ABCB9: variants seen among roughly 807,000 people sequenced by gnomAD.
ABCB9 encodes the protein ABC-type oligopeptide transporter ABCB9.
A neutral mutation model predicts 62.0 loss-of-function variants in ABCB9; 36 were observed. The observed-to-expected ratio is 0.58, with a 90% confidence interval of 0.45 to 0.77. The LOEUF (loss-of-function observed/expected upper bound fraction) is 0.77, where lower values mean the gene tolerates loss of function less well. Ranked by LOEUF, ABCB9 falls within the 30% of genes least tolerant of loss-of-function variation. The probability of loss-of-function intolerance (pLI) is 0.00; values close to 1 mark genes in which losing one functional copy is unlikely to be tolerated. For synonymous variants in ABCB9, 435 were observed against 461.4 expected (o/e 0.94, Z 0.73); for missense variants, 943 against 1,054.7 (o/e 0.89, Z 1.47).
intron 2 of ABCB9, chr12:122,952,395 A>G (rs1006808516): frequency 6.6e-6 from 1 of 152,282 alleles, no homozygotes; most frequent in African/African-American, 2.4e-5. Flanking sequence ...TAGGTGCTCA[A>G]TAAAGGTCAG....
Position 122,947,737 on chromosome 12 carries a change from G to T in ABCB9, c.1053+887C>A. On this transcript the variant is annotated intron_variant, in intron 5 of 11. Coordinates refer to ENST00000280560, the MANE Select transcript of ABCB9 (RefSeq NM_019625.4). This position sits in a 1 kb window ranked among gnomAD's most constrained non-coding sequence, Gnocchi z 6.0. ...GGGTGGCCAGAGGGGACAGCAGCCTGCCCATGATGGCATCACAGCGGGCCC... is the reference window on the plus strand; with the variant it reads ...GGGTGGCCAGAGGGGACAGCAGCCTTCCCATGATGGCATCACAGCGGGCCC... 4.3e-6 allele frequency: 1 copy of T among 232,528 alleles called. No individual in the cohort carries two copies. The highest frequency in any genetic ancestry group is 4.3e-5 in the South Asian group (1 of 23,124). The allele number at this position is 232,528 out of a possible 1,614,324, so 14.4% of individuals were successfully genotyped here.
chr12:122,941,949 G>A (rs534923903), intron 7 of ABCB9, among the ~76,000 whole-genome samples: 40 of 151,302 alleles, frequency 2.6e-4, no homozygotes, highest in African/African-American at 9.0e-4. Context: ...GGCTGGTCTC[G>A]AACTTCTGAG....
chr12:122,927,765 A>G (rs1464274225), downstream of ABCB9, among the ~76,000 whole-genome samples: 1 of 152,198 alleles, frequency 6.6e-6, no homozygotes, highest in Admixed American at 6.5e-5. Flanking sequence ...TGACGCTACA[A>G]ACTAGAGATG....
At position 122,923,490 on chromosome 12, in the gene ABCB9, T is replaced by C. The variant is rs374111446; in HGVS notation, c.2041-2447A>G. ...ATTTTTAGTAGAGACGGGGTTTCAC[T>C]GTGTTAGCCAGGATGGTCTCCATCT... On this transcript the variant is annotated intron_variant, in intron 11 of 11. Coordinates refer to the ABCB9 transcript ENST00000344275. 5.9e-3 allele frequency among the ~76,000 whole-genome samples: 892 copies of C among 152,150 alleles called. 6 individuals carry two copies. Among genetic ancestry groups the C allele is most frequent in the African/African-American group, 0.02 (843 of 41,522 alleles).
chr12:122,940,912 G>A lies in ABCB9; in HGVS notation c.1464C>T (p.Thr488=), dbSNP rs1032818948. The change falls in exon 8 of 12, where the codon ACC becomes ACT. Residue 488 remains threonine (T), a synonymous_variant. Transcript: ENST00000280560. The surrounding 1 kb of genome is among the most constrained non-coding windows in gnomAD (Gnocchi z 4.8). The part of the protein sequence containing the change: ...KVFEFIDRQP[T]MVHDGSLAPD... ...GGGCCAAGCTGCCATCGTGCACCAT[G>A]GTCGGCTGCCGGTCGATGAACTCGA... 2 of 1,612,356 alleles carry A rather than the reference G, an allele frequency of 1.2e-6. No homozygotes were observed. The highest frequency in any genetic ancestry group is 1.7e-5 in the Admixed American group (1 of 59,822).
At chr12:122,926,075 G>A (rs542930029), downstream of ABCB9, among the ~76,000 whole-genome samples, 1 of 152,268 alleles carries the variant, frequency 6.6e-6, no homozygotes, top group African/African-American at 2.4e-5. Flanking sequence ...GGCGGCCAGG[G>A]GCTGTGTGGA....
At chr12:122,952,176 C>A in intron 2 of ABCB9, 1 of 152,494 alleles carries the variant, frequency 6.6e-6, no homozygotes, top group South Asian at 2.0e-4. Flanking sequence ...AGTACGAAAT[C>A]AGTTTCTATG....
chr12:122,933,394 A>G (rs1406715459), intron 10 of ABCB9, among the ~76,000 whole-genome samples: 1 of 152,160 alleles, frequency 6.6e-6, no homozygotes, highest in Non-Finnish European at 1.5e-5. Context: ...CTCTACTAAA[A>G]ATACACAAAA....
Position 122,944,287 on chromosome 12 carries a change from A to G in ABCB9, c.1380+104T>C. The G allele has an allele frequency of 6.8e-7, 1 of 1,477,462 alleles. No homozygotes were observed. Among genetic ancestry groups the G allele is most frequent in the African/African-American group, 1.4e-5 (1 of 71,516 alleles). The allele number at this position is 1,477,462 out of a possible 1,614,324, so 91.5% of individuals were successfully genotyped here. The stretch of plus-strand genomic sequence containing the variant: ...TCCCCTACTTACCTTAGAGAGAAAT[A>G]CCACATTGTCAGAGTCCCTGGAGCC... On this transcript the variant is annotated intron_variant, in intron 7 of 11. Transcript: ENST00000280560. This position sits in a 1 kb window ranked among gnomAD's most constrained non-coding sequence, Gnocchi z 4.9.
At position 122,940,130 on chromosome 12, in the gene ABCB9, T is replaced by C; in HGVS notation, c.1724A>G (p.His575Arg). 3 of 1,612,112 alleles carry C rather than the reference T, an allele frequency of 1.9e-6. No individual in the cohort carries two copies. The highest frequency in any genetic ancestry group is 2.2e-5 in the East Asian group (1 of 44,844). Residue 575 changes from histidine to arginine, a missense_variant, in exon 9 of 12, where the codon CAC (histidine) becomes CGC (arginine). Physicochemically the swap from His to Arg is conservative, Grantham distance 29. Coordinates refer to ENST00000280560, the MANE Select transcript of ABCB9 (RefSeq NM_019625.4). This position sits in a 1 kb window ranked among gnomAD's most constrained non-coding sequence, Gnocchi z 4.8. ...LDGKPISAYD[H>R]KYLHRVISLV... is the part of the protein sequence containing the mutation. ...ACATACCACACGGTGCAAGTACTTG[T>C]GGTCGTAGGCGCTGATGGGCTTGCC... is the stretch of plus-strand genomic sequence containing the variant.
intron 1 of ABCB9, among the ~76,000 whole-genome samples, chr12:122,971,873 G>A (rs977083040): frequency 3.9e-5 from 6 of 152,036 alleles, no homozygotes; most frequent in African/African-American, 1.5e-4. Flanking sequence ...GATGGTGGGG[G>A]AGGCTGTGTG....
chr12:122,957,074 C>A (rs1279098308), intron 2 of ABCB9, among the ~76,000 whole-genome samples: 1 of 151,184 alleles, frequency 6.6e-6, no homozygotes, highest in Non-Finnish European at 1.5e-5. Context: ...ACAGGTCTTG[C>A]TCTGTTGCCC....
downstream of ABCB9, among the ~76,000 whole-genome samples, chr12:122,924,033 G>A (rs539837714): frequency 3.3e-4 from 51 of 152,306 alleles, no homozygotes; most frequent in Middle Eastern, 3.4e-3. Flanking sequence ...GTCCCTGTGG[G>A]CTCCTAGGAC....
At position 122,940,161 on chromosome 12, in the gene ABCB9, G is replaced by A; in HGVS notation, c.1693C>T (p.Leu565=). 1 of 1,613,468 alleles carries A rather than the reference G, an allele frequency of 6.2e-7. No individual in the cohort carries two copies. The highest frequency in any genetic ancestry group is 8.5e-7 in the Non-Finnish European group (1 of 1,179,806). ...TAGGCGCTGATGGGCTTGCCGTCCA[G>A]CAGCACCCGGCCCCCCTCCAGGGGG... is the stretch of plus-strand genomic sequence containing the variant. ...FYPLEGGRVL[L]DGKPISAYDH... Residue 565 remains leucine, a synonymous_variant, in exon 9 of 12, where the codon CTG becomes TTG. Coordinates refer to ENST00000280560, the MANE Select transcript of ABCB9 (RefSeq NM_019625.4). The surrounding 1 kb of genome is among the most constrained non-coding windows in gnomAD (Gnocchi z 4.8).
At chr12:122,958,042 C>T (rs944704550) in intron 2 of ABCB9, among the ~76,000 whole-genome samples, 1 of 150,904 alleles carries the variant, frequency 6.6e-6, no homozygotes, top group African/African-American at 2.4e-5. Flanking sequence ...TGGTGGCAGG[C>T]GCCTGTAATC....
chr12:122,925,716 C>A (rs1386902206), downstream of ABCB9, among the ~76,000 whole-genome samples: 3 of 152,142 alleles, frequency 2.0e-5, no homozygotes, highest in Non-Finnish European at 4.4e-5. Flanking sequence ...TCACCGCACT[C>A]CAACCTGGGC....
chr12:122,929,588 A>G lies in ABCB9; in HGVS notation c.*323T>C. ...ACTCCCAATTAGAAAAAGGTTTTTG[A>G]AATCTAGGAGTTGACTGGGGTGCCT... On this transcript the variant is annotated 3_prime_UTR_variant, in exon 12 of 12. Transcript: ENST00000280560. The surrounding 1 kb of genome is among the most constrained non-coding windows in gnomAD (Gnocchi z 6.0). 1.7e-6 allele frequency: 2 copies of G among 1,149,730 alleles called. No homozygotes were observed. Among genetic ancestry groups the G allele is most frequent in the Non-Finnish European group, 1.1e-6 (1 of 936,016 alleles). The allele number at this position is 1,149,730 out of a possible 1,614,324, so 71.2% of individuals were successfully genotyped here.
intron 7 of ABCB9, among the ~76,000 whole-genome samples, chr12:122,942,891 G>T (rs1346250388): frequency 6.6e-6 from 1 of 152,162 alleles, no homozygotes; most frequent in African/African-American, 2.4e-5. Flanking sequence ...TTGAAGCATG[G>T]ATTCCTAGGG....
At chr12:122,953,806 G>C (rs1352879356) in intron 2 of ABCB9, among the ~76,000 whole-genome samples, 1 of 152,122 alleles carries the variant, frequency 6.6e-6, no homozygotes, top group Non-Finnish European at 1.5e-5. Flanking sequence ...ACAGGTGTGA[G>C]CCACCACACC....
Sources: allele counts gnomAD v4.1 joint callset (sites outside exome capture counted in the v4.1 genomes callset), GRCh38; gene constraint gnomAD v4.1.1; non-coding constraint Gnocchi (gnomAD v3.1); transcripts MANE v1.5; gene names NCBI Gene and HGNC (gene_info 2026-07-23, HGNC 2026-07-21).